Variants in FAM222B observed in about 807,000 individuals in gnomAD.
FAM222B encodes protein FAM222B.
In FAM222B, 12 loss-of-function variants were observed where a neutral mutation model predicts 38.0. The observed-to-expected ratio is 0.32, with a 90% CI of 0.20 to 0.51. The LOEUF is 0.51. FAM222B is among the 20% of genes least tolerant of loss of function. The pLI is 0.97. For synonymous variants in FAM222B, 329 were observed against 317.2 expected (o/e 1.04, Z -0.40); for missense variants, 716 against 754.2 (o/e 0.95, Z 0.59).
chr17:28,827,502 C>T (rs2038486960), intron 1 of FAM222B, among the ~76,000 whole-genome samples: 1 of 151,970 alleles, frequency 6.6e-6, no homozygotes, highest in South Asian at 2.1e-4. Flanking sequence ...GTCATTTAAA[C>T]AATGTAAAAA....
intron 1 of FAM222B, among the ~76,000 whole-genome samples, chr17:28,773,665 G>A (rs913970810): frequency 5.3e-5 from 8 of 152,066 alleles, no homozygotes; most frequent in Non-Finnish European, 7.4e-5. Context: ...GGGCATGGTG[G>A]CATGTGCTTG....
At chr17:28,818,446 T>C (rs1354689678) in intron 1 of FAM222B, among the ~76,000 whole-genome samples, 1 of 150,666 alleles carries the variant, frequency 6.6e-6, no homozygotes, top group East Asian at 1.9e-4. Context: ...GAGAATGGCG[T>C]GAACCTGGGA....
At chr17:28,834,242 C>T (rs2038763842) in intron 1 of FAM222B, 1 of 152,186 alleles carries the variant, frequency 6.6e-6, no homozygotes, top group East Asian at 1.9e-4. Context: ...AACTTCTATA[C>T]TGTCAACAGA....
rs753416623 is a variant in FAM222B at position 28,759,686 on chromosome 17, G to A, written c.273C>T (p.Tyr91=). The change falls in exon 3 of 3, where the codon TAC becomes TAT. Residue 91 remains tyrosine, a synonymous_variant. Coordinates refer to ENST00000581407, the MANE Select transcript of FAM222B (RefSeq NM_001077498.3). The surrounding 1 kb of genome is among the most constrained non-coding windows in gnomAD (Gnocchi z 4.8). ...CTGCCTTGGTGGCAGCCTGTGTCGG[G>A]TAGGGGCTGTAGCGCTGGGCTGATG... ...LDTSAQRYSP[Y]PTQAATKAGL... The A allele has an allele frequency of 5.0e-6, 8 of 1,613,638 alleles. No homozygotes were observed. In the East Asian group the frequency reaches 1.6e-4, roughly 31 times the overall value.
At chr17:28,847,883 C>CT (rs891247532) in intron 1 of FAM222B, among the ~76,000 whole-genome samples, 2 of 150,118 alleles carry the variant, frequency 1.3e-5, no homozygotes, top group Non-Finnish European at 3.0e-5. Context: ...CACTGTACTC[C>CT]GGCCTGGGCG....
chr17:28,825,075 T>C (rs555798191), intron 1 of FAM222B, among the ~76,000 whole-genome samples: 1 of 151,882 alleles, frequency 6.6e-6, no homozygotes, highest in Admixed American at 6.6e-5. Context: ...ACAATCCATT[T>C]CTAACATAGC....
intron 1 of FAM222B, among the ~76,000 whole-genome samples, chr17:28,821,044 C>T (rs1020476280): frequency 1.3e-5 from 2 of 151,908 alleles, no homozygotes; most frequent in African/African-American, 4.8e-5. Context: ...CAACCTCCCC[C>T]ACCTGGGTTC....
intron 1 of FAM222B, among the ~76,000 whole-genome samples, chr17:28,840,912 G>C (rs1372120749): frequency 6.6e-6 from 1 of 151,862 alleles, no homozygotes. Context: ...AGTGAACCAA[G>C]TTCGCACCAC....
chr17:28,792,859 T>C (rs2036767282), intron 1 of FAM222B, among the ~76,000 whole-genome samples: 1 of 151,458 alleles, frequency 6.6e-6, no homozygotes, highest in Admixed American at 6.6e-5. Flanking sequence ...TTAATGATCC[T>C]CCCTTCTTCA....
At chr17:28,854,977 C>CGAGA in exon 1 of FAM222B, 1 of 1,507,360 alleles carries the variant, frequency 6.6e-7, no homozygotes, top group Non-Finnish European at 8.9e-7. Context: ...GTTCGTCAGC[C>CGAGA]GCTCTGTTCA....
intron 1 of FAM222B, among the ~76,000 whole-genome samples, chr17:28,839,359 C>T (rs2152628110): frequency 6.6e-6 from 1 of 152,182 alleles, no homozygotes; most frequent in East Asian, 1.9e-4. Context: ...ACTAGCCCAC[C>T]CCTTTTTCTT....
intron 1 of FAM222B, among the ~76,000 whole-genome samples, chr17:28,838,165 TG>T (rs2038913793): frequency 1.5e-5 from 2 of 135,186 alleles, no homozygotes; most frequent in African/African-American, 5.0e-5. Flanking sequence ...CTCAGGAGGC[TG>T]AAGCAGGAGA....
At chr17:28,763,324 A>G (rs1226922304) in intron 2 of FAM222B, among the ~76,000 whole-genome samples, 1 of 152,238 alleles carries the variant, frequency 6.6e-6, no homozygotes, top group Non-Finnish European at 1.5e-5. Context: ...TGAAACAATG[A>G]TGGTCAATAG....
chr17:28,772,088 G>A (rs1477514861), intron 1 of FAM222B, among the ~76,000 whole-genome samples: 1 of 152,000 alleles, frequency 6.6e-6, no homozygotes, highest in East Asian at 1.9e-4. Context: ...TTAAAATAAG[G>A]GGGAAAAAAT....
intron 1 of FAM222B, among the ~76,000 whole-genome samples, chr17:28,801,916 TG>T (rs2037249111): frequency 3.3e-5 from 5 of 151,742 alleles, no homozygotes. Context: ...GCAACACGAA[TG>T]TTGTCTAAAT....
intron 1 of FAM222B, among the ~76,000 whole-genome samples, chr17:28,814,618 C>A (rs1007514022): frequency 6.6e-6 from 1 of 152,048 alleles, no homozygotes; most frequent in Non-Finnish European, 1.5e-5. Context: ...AGGTGCACAC[C>A]ACCACGCCTG....
chr17:28,762,626 C>CAAAAA (rs10618524), intron 2 of FAM222B, among the ~76,000 whole-genome samples: 2 of 48,154 alleles, frequency 4.2e-5, no homozygotes, highest in Non-Finnish European at 7.6e-5. Flanking sequence ...GACTCCATCT[C>CAAAAA]AAAAAAAAAA....
intron 1 of FAM222B, among the ~76,000 whole-genome samples, chr17:28,786,026 G>A (rs1433763599): frequency 6.6e-6 from 1 of 151,874 alleles, no homozygotes. Context: ...TAGAGACGGG[G>A]TTTCACCTTG....
intron 1 of FAM222B, among the ~76,000 whole-genome samples, chr17:28,817,557 C>T (rs1409190433): frequency 2.0e-5 from 3 of 152,088 alleles, no homozygotes; most frequent in Non-Finnish European, 2.9e-5. Flanking sequence ...CCTGTCTCTA[C>T]TAAAAATACA....
Sources: allele counts gnomAD v4.1 joint callset (sites outside exome capture counted in the v4.1 genomes callset), GRCh38; gene constraint gnomAD v4.1.1; non-coding constraint Gnocchi (gnomAD v3.1); transcripts MANE v1.5; gene names NCBI Gene and HGNC (gene_info 2026-07-23, HGNC 2026-07-21).